WWTR1: variants seen among roughly 807,000 people sequenced by gnomAD.
WWTR1 encodes the protein WW domain-containing transcription regulator protein 1.
A neutral mutation model predicts 40.1 loss-of-function variants in WWTR1; 13 were observed. The observed-to-expected ratio is 0.32, with a 90% CI of 0.21 to 0.52. WWTR1 has a LOEUF of 0.52. Ranked by LOEUF, WWTR1 falls within the 20% of genes least tolerant of loss-of-function variation. The probability of loss-of-function intolerance (pLI) is 0.97; values close to 1 mark genes in which losing one functional copy is unlikely to be tolerated. For missense variants in WWTR1, 436 were observed against 523.1 expected (o/e 0.83, Z 1.63); for synonymous variants, 230 against 210.1 (o/e 1.09, Z -0.82).
intron 5 of WWTR1, among the ~76,000 whole-genome samples, chr3:149,710,768 C>T (rs571633917): frequency 1.2e-4 from 18 of 151,832 alleles, no homozygotes; most frequent in East Asian, 7.8e-4. Flanking sequence ...TTAGTAGAGA[C>T]GGGGTTTCAC....
intron 2 of WWTR1, among the ~76,000 whole-genome samples, chr3:149,634,379 A>G (rs1711706713): frequency 6.6e-6 from 1 of 152,226 alleles, no homozygotes; most frequent in Non-Finnish European, 1.5e-5. Flanking sequence ...TGTTAAATAA[A>G]TACACGTAAA....
chr3:149,697,714 G>C (rs751733812), intron 1 of WWTR1, among the ~76,000 whole-genome samples: 1 of 152,154 alleles, frequency 6.6e-6, no homozygotes, highest in Non-Finnish European at 1.5e-5. Flanking sequence ...ACTTGTTCCA[G>C]CCTTAACTCA....
At chr3:149,654,819 G>A (rs1187375353) in intron 2 of WWTR1, among the ~76,000 whole-genome samples, 1 of 152,142 alleles carries the variant, frequency 6.6e-6, no homozygotes, top group African/African-American at 2.4e-5. Context: ...CATAAACACA[G>A]TTTAGAAATC....
At chr3:149,678,314 A>T (rs921294276) in intron 1 of WWTR1, among the ~76,000 whole-genome samples, 2 of 152,218 alleles carry the variant, frequency 1.3e-5, no homozygotes, top group Non-Finnish European at 2.9e-5. Flanking sequence ...GAAGTGGCCA[A>T]CTTATGTAAA....
Position 149,656,997 on chromosome 3 carries a change from C to A in WWTR1, c.310G>T (p.Gly104Cys). 6.3e-7 allele frequency: 1 copy of A among 1,597,826 alleles called. No individual in the cohort carries two copies. Among genetic ancestry groups the A allele is most frequent in the Non-Finnish European group, 8.5e-7 (1 of 1,176,610 alleles). Reference sequence around the variant, plus strand: ...TGCGCGTGCTGCTGCGCGGGGCTACCCGCAGCACCCGCGCCGGTGCCCAGC... The same window carrying A: ...TGCGCGTGCTGCTGCGCGGGGCTACACGCAGCACCCGCGCCGGTGCCCAGC... ...LQLGTGAGAA[G>C]SPAQQHAHLR... Residue 104 changes from glycine (G) to cysteine (C), a missense_variant, in exon 2 of 7, where the codon GGT (glycine) becomes TGT (cysteine). Transcript: ENST00000360632.
At chr3:149,556,371 GAGTTCCAGACC>G (rs753935758) in intron 3 of WWTR1, among the ~76,000 whole-genome samples, 17 of 152,146 alleles carry the variant, frequency 1.1e-4, no homozygotes, top group Non-Finnish European at 2.1e-4. Context: ...ACAAGGTCAG[GAGTTCCAGACC>G]AGCCTTGCCA....
At chr3:149,708,392 G>A (rs924906439) in intron 5 of WWTR1, among the ~76,000 whole-genome samples, 35 of 151,994 alleles carry the variant, frequency 2.3e-4, no homozygotes, top group South Asian at 2.1e-4. Context: ...GTACATTCAC[G>A]TTGTACAACC....
chr3:149,667,924 A>G (rs956654758), intron 2 of WWTR1, among the ~76,000 whole-genome samples: 3 of 152,238 alleles, frequency 2.0e-5, no homozygotes, highest in Admixed American at 6.5e-5. Flanking sequence ...TAAGATACCA[A>G]AGAAAAAGTG....
intron 2 of WWTR1, among the ~76,000 whole-genome samples, chr3:149,622,484 AGG>A (rs1560089620): frequency 1.0e-4 from 13 of 130,344 alleles, no homozygotes; most frequent in African/African-American, 3.8e-4. Flanking sequence ...GAAGGAAGGA[AGG>A]AAGGAAGGAA....
chr3:149,678,567 T>A (rs1714349235), intron 1 of WWTR1, among the ~76,000 whole-genome samples: 2 of 152,176 alleles, frequency 1.3e-5, no homozygotes, highest in African/African-American at 2.4e-5. Flanking sequence ...TCTGGAGCCC[T>A]TTGATCCACA....
chr3:149,674,427 A>T (rs4681541), intron 1 of WWTR1, among the ~76,000 whole-genome samples: 55,981 of 151,292 alleles, frequency 0.37, 10,712 homozygotes, highest in Middle Eastern at 0.55. Context: ...TCTCTACTAA[A>T]CATACAAAAA....
At chr3:149,625,161 G>A (rs1262690856) in intron 2 of WWTR1, among the ~76,000 whole-genome samples, 2 of 108,256 alleles carry the variant, frequency 1.8e-5, no homozygotes, top group East Asian at 2.9e-4. Context: ...TCGCTCTGTT[G>A]CCCAGGCTGG....
chr3:149,568,821 C>T (rs575007465), intron 3 of WWTR1, among the ~76,000 whole-genome samples: 2 of 152,316 alleles, frequency 1.3e-5, no homozygotes, highest in South Asian at 2.1e-4. Context: ...GGCTGGAGTG[C>T]AGTGGCGCAA....
intron 1 of WWTR1, among the ~76,000 whole-genome samples, chr3:149,684,548 A>G (rs1714568159): frequency 6.7e-6 from 1 of 149,810 alleles, no homozygotes. Flanking sequence ...GGTCTGTCTC[A>G]TATCTCATTA....
intron 1 of WWTR1, among the ~76,000 whole-genome samples, chr3:149,671,124 A>G (rs1025339004): frequency 2.6e-5 from 4 of 152,144 alleles, no homozygotes; most frequent in Non-Finnish European, 5.9e-5. Flanking sequence ...AAACTTAACA[A>G]ATATTTAACT....
intron 2 of WWTR1, among the ~76,000 whole-genome samples, chr3:149,606,295 C>T (rs570354892): frequency 4.6e-5 from 7 of 152,256 alleles, no homozygotes; most frequent in South Asian, 2.1e-4. Context: ...TGTCCCATTC[C>T]GCTTTAAGCG....
intron 2 of WWTR1, among the ~76,000 whole-genome samples, chr3:149,607,790 A>G (rs957613611): frequency 6.6e-6 from 1 of 152,260 alleles, no homozygotes; most frequent in African/African-American, 2.4e-5. Context: ...AAAAGTCAAC[A>G]AAGACCTGTG....
chr3:149,603,648 A>G (rs1009907009), intron 2 of WWTR1, among the ~76,000 whole-genome samples: 2 of 150,716 alleles, frequency 1.3e-5, no homozygotes, highest in Non-Finnish European at 2.9e-5. Context: ...GGCATGCCCT[A>G]AAGCTGTGAA....
At chr3:149,553,857 A>G (rs1736714341) in intron 3 of WWTR1, among the ~76,000 whole-genome samples, 1 of 152,082 alleles carries the variant, frequency 6.6e-6, no homozygotes, top group South Asian at 2.1e-4. Flanking sequence ...GCCCTGTCTG[A>G]TGGAAAACAT....
Sources: gnomAD v4.1 joint callset for allele counts (sites outside exome capture counted in the v4.1 genomes callset) on GRCh38, gnomAD v4.1.1 for gene constraint, MANE v1.5 for transcripts, NCBI Gene and HGNC (gene_info 2026-07-23, HGNC 2026-07-21) for gene names.